Variants in PLCB1 observed in about 807,000 individuals in gnomAD.
PLCB1 encodes the protein phospholipase C beta 1.
In PLCB1, 46 loss-of-function variants were observed where a neutral mutation model predicts 161.8. That is an observed-to-expected ratio of 0.28 (90% CI 0.22 to 0.36). PLCB1 has a LOEUF of 0.36. PLCB1 is among the 10% of genes least tolerant of loss of function. PLCB1 has a pLI of 1.00. For missense variants in PLCB1, 1,016 were observed against 1,472.5 expected (o/e 0.69, Z 5.07); for synonymous variants, 517 against 503.7 (o/e 1.03, Z -0.35).
At chr20:8,369,741 G>A (rs970253533) in intron 2 of PLCB1, among the ~76,000 whole-genome samples, 3 of 152,128 alleles carry the variant, frequency 2.0e-5, no homozygotes, top group African/African-American at 7.2e-5. Flanking sequence ...CCTCTAAAAT[G>A]GGGAAAATGA....
chr20:8,328,151 A>G (rs1306233932), intron 2 of PLCB1, among the ~76,000 whole-genome samples: 3 of 152,160 alleles, frequency 2.0e-5, no homozygotes, highest in African/African-American at 7.2e-5. Flanking sequence ...TCTTTTGAGC[A>G]TCATATTGGC....
chr20:8,273,310 C>A (rs1166424991), intron 2 of PLCB1, among the ~76,000 whole-genome samples: 1 of 152,150 alleles, frequency 6.6e-6, no homozygotes, highest in African/African-American at 2.4e-5. Flanking sequence ...TATTAACCAA[C>A]AATAACTTCC....
chr20:8,544,692 A>G (rs182192963), intron 3 of PLCB1, among the ~76,000 whole-genome samples: 327 of 152,334 alleles, frequency 2.1e-3, no homozygotes, highest in Middle Eastern at 0.01. Context: ...GATGTTTCTG[A>G]CACTGCCTTA....
At chr20:8,185,088 A>G (rs2051889139) in intron 2 of PLCB1, among the ~76,000 whole-genome samples, 1 of 152,062 alleles carries the variant, frequency 6.6e-6, no homozygotes. Flanking sequence ...GATGGTTCCC[A>G]GCTTCATCCA....
chr20:8,867,839 T>C (rs1210276657), intron 31 of PLCB1, among the ~76,000 whole-genome samples: 1 of 152,226 alleles, frequency 6.6e-6, no homozygotes, highest in African/African-American at 2.4e-5. Context: ...GTGTTGCTTC[T>C]TGAGCCCCAT....
intron 15 of PLCB1, among the ~76,000 whole-genome samples, chr20:8,722,862 G>A (rs1004711415): frequency 6.6e-6 from 1 of 152,002 alleles, no homozygotes; most frequent in Non-Finnish European, 1.5e-5. Flanking sequence ...TAAAATGAAA[G>A]ATAAAACACA....
intron 2 of PLCB1, among the ~76,000 whole-genome samples, chr20:8,234,526 A>G (rs1306681004): frequency 6.6e-6 from 1 of 152,138 alleles, no homozygotes; most frequent in East Asian, 1.9e-4. Context: ...TTCTCAATGC[A>G]GTACCACATT....
intron 3 of PLCB1, among the ~76,000 whole-genome samples, chr20:8,513,257 C>T (rs1983969490): frequency 1.3e-5 from 2 of 152,078 alleles, no homozygotes; most frequent in African/African-American, 4.8e-5. Context: ...TTGTGGAGGC[C>T]ACACAGGGAT....
chr20:8,758,383 C>T (rs1981847771), intron 24 of PLCB1, among the ~76,000 whole-genome samples: 3 of 151,866 alleles, frequency 2.0e-5, no homozygotes, highest in Non-Finnish European at 4.4e-5. Flanking sequence ...CAGTTCAGGA[C>T]CAACCTGGCC....
At chr20:8,300,327 GA>G (rs1199801569) in intron 2 of PLCB1, among the ~76,000 whole-genome samples, 1 of 152,158 alleles carries the variant, frequency 6.6e-6, no homozygotes, top group African/African-American at 2.4e-5. Flanking sequence ...AAGGGGCAGA[GA>G]ATTAGACTTT....
chr20:8,473,834 G>A (rs903797706), intron 3 of PLCB1, among the ~76,000 whole-genome samples: 7 of 152,202 alleles, frequency 4.6e-5, no homozygotes, highest in African/African-American at 1.7e-4. Context: ...ACCAGCAGCA[G>A]TACAAAAACC....
At chr20:8,719,227 CAATCA>C (rs1979495033) in intron 14 of PLCB1, among the ~76,000 whole-genome samples, 1 of 152,120 alleles carries the variant, frequency 6.6e-6, no homozygotes, top group South Asian at 2.1e-4. Flanking sequence ...AACATAGGAA[CAATCA>C]ATTGGAAAAC....
chr20:8,204,434 A>G (rs1177553362), intron 2 of PLCB1, among the ~76,000 whole-genome samples: 1 of 152,054 alleles, frequency 6.6e-6, no homozygotes, highest in Non-Finnish European at 1.5e-5. Context: ...TAGGTGATAT[A>G]GTTTGGATGT....
At chr20:8,465,479 G>C (rs972178629) in intron 3 of PLCB1, among the ~76,000 whole-genome samples, 1 of 152,060 alleles carries the variant, frequency 6.6e-6, no homozygotes, top group East Asian at 1.9e-4. Flanking sequence ...AATTGTATAA[G>C]GGATCTCTAG....
At chr20:8,566,178 C>T (rs1986327740) in intron 3 of PLCB1, among the ~76,000 whole-genome samples, 1 of 152,134 alleles carries the variant, frequency 6.6e-6, no homozygotes, top group Non-Finnish European at 1.5e-5. Context: ...GACTGCCTTA[C>T]AACAGGCTAC....
intron 3 of PLCB1, among the ~76,000 whole-genome samples, chr20:8,588,180 A>C (rs1417556237): frequency 6.6e-6 from 1 of 152,210 alleles, no homozygotes; most frequent in East Asian, 1.9e-4. Context: ...AGTATATTTA[A>C]AACACAGCTT....
chr20:8,511,639 A>G (rs554829093), intron 3 of PLCB1, among the ~76,000 whole-genome samples: 9 of 152,226 alleles, frequency 5.9e-5, no homozygotes, highest in African/African-American at 1.9e-4. Context: ...ATTCCTGCCA[A>G]CTGTGTACAG....
chr20:8,170,331 G>A (rs372712022), intron 2 of PLCB1, among the ~76,000 whole-genome samples: 2 of 151,786 alleles, frequency 1.3e-5, no homozygotes, highest in Admixed American at 1.3e-4. Context: ...TATTTACAGA[G>A]CACATGTCAT....
intron 2 of PLCB1, among the ~76,000 whole-genome samples, chr20:8,152,071 T>C (rs1450028365): frequency 2.0e-5 from 3 of 152,180 alleles, no homozygotes; most frequent in Non-Finnish European, 1.5e-5. Context: ...CAATGCTGTT[T>C]ATGACCAAGC....
Sources: allele counts gnomAD v4.1 joint callset (sites outside exome capture counted in the v4.1 genomes callset), GRCh38; gene constraint gnomAD v4.1.1; transcripts MANE v1.5; gene names NCBI Gene and HGNC (gene_info 2026-07-23, HGNC 2026-07-21).